The following ANXA13 variants were observed in gnomAD, a reference collection of about 807,000 sequenced individuals.
ANXA13 encodes the protein annexin A13, also known as annexin XIII.
ANXA13 carries 36 observed loss-of-function variants against 46.6 expected under a neutral mutation model. The ratio of observed to expected loss-of-function variants is 0.77; its 90% confidence interval spans 0.59 to 1.02. The LOEUF is 1.02. Among genes scored for constraint, ANXA13 ranks in the 50% least tolerant of loss-of-function variants. ANXA13 has a pLI of 0.00. For missense variants in ANXA13, 417 were observed against 396.5 expected (o/e 1.05, Z -0.44); for synonymous variants, 163 against 152.9 (o/e 1.07, Z -0.49).
intron 2 of ANXA13, chr8:123,711,563 T>G (rs1021751732): frequency 6.6e-6 from 1 of 152,394 alleles, no homozygotes; most frequent in Non-Finnish European, 1.5e-5. Context: ...GCTTCTCCAT[T>G]TTCAACCCTT....
At chr8:123,708,753 C>T (rs7817992) in intron 2 of ANXA13, among the ~76,000 whole-genome samples, 14,962 of 152,164 alleles carry the variant, frequency 0.098, 1,545 homozygotes, top group African/African-American at 0.27. Context: ...AGTCTGAAAT[C>T]CTGGTGTCGG....
At chr8:123,707,209 A>G (rs1046945011) in intron 2 of ANXA13, among the ~76,000 whole-genome samples, 10 of 152,184 alleles carry the variant, frequency 6.6e-5, no homozygotes, top group Admixed American at 2.6e-4. Context: ...TGAATGAATG[A>G]ATGGATGAAT....
chr8:123,722,097 G>T (rs1813885381), intron 1 of ANXA13, among the ~76,000 whole-genome samples: 1 of 152,088 alleles, frequency 6.6e-6, no homozygotes, highest in Admixed American at 6.5e-5. Context: ...TTGAGACCAG[G>T]AGTTCAAGAC....
intron 1 of ANXA13, among the ~76,000 whole-genome samples, chr8:123,714,798 G>C (rs1813731754): frequency 6.6e-6 from 1 of 152,206 alleles, no homozygotes; most frequent in Admixed American, 6.5e-5. Context: ...TACACCTGCT[G>C]TGTGCCAGGC....
chr8:123,701,400 G>A (rs199618907), intron 3 of ANXA13, among the ~76,000 whole-genome samples: 2 of 152,130 alleles, frequency 1.3e-5, no homozygotes, highest in Non-Finnish European at 2.9e-5. Flanking sequence ...AACCCGGGAG[G>A]CAGAGGTTAC....
chr8:123,715,713 T>C (rs1190046311), intron 1 of ANXA13, among the ~76,000 whole-genome samples: 1 of 152,188 alleles, frequency 6.6e-6, no homozygotes, highest in Non-Finnish European at 1.5e-5. Flanking sequence ...CTTTTTCTCA[T>C]TTGCACAAAG....
intron 10 of ANXA13, among the ~76,000 whole-genome samples, chr8:123,683,357 T>C (rs1813073792): frequency 6.6e-6 from 1 of 151,908 alleles, no homozygotes; most frequent in South Asian, 2.1e-4. Context: ...GCATTATTTG[T>C]TAAGAAGCCA....
intron 2 of ANXA13, among the ~76,000 whole-genome samples, chr8:123,707,993 C>A (rs536639408): frequency 5.9e-5 from 9 of 152,150 alleles, no homozygotes; most frequent in Non-Finnish European, 1.0e-4. Flanking sequence ...CACTGGATTT[C>A]CCCCAAGTTC....
Position 123,695,527 on chromosome 8 carries a change from T to C in ANXA13, c.446A>G (p.Lys149Arg). 3 of 1,614,162 alleles carry C rather than the reference T, an allele frequency of 1.9e-6. No individual in the cohort carries two copies. The highest frequency in any genetic ancestry group is 2.5e-6 in the Non-Finnish European group (3 of 1,180,010). ...CTGCAGCAGAGACACCAGGATTTTTTTTAGGTTTCCACTTGTATCACCTTT... is the reference window on the plus strand; with the variant it reads ...CTGCAGCAGAGACACCAGGATTTTTCTTAGGTTTCCACTTGTATCACCTTT... ...DVKGDTSGNL[K>R]KILVSLLQAN... The change falls in exon 6 of 11, where the codon AAA becomes AGA. Residue 149 changes from lysine to arginine, a missense_variant. Physicochemically the swap from Lys to Arg is conservative, Grantham distance 26 (BLOSUM62 2). Transcript: ENST00000419625.
chr8:123,696,827 C>G, intron 4 of ANXA13, among the ~76,000 whole-genome samples: 1 of 152,292 alleles, frequency 6.6e-6, no homozygotes, highest in East Asian at 1.9e-4. Flanking sequence ...GATAGAGAGG[C>G]CTTGCTTATT....
At chr8:123,686,509 C>A (rs1813143664) in intron 9 of ANXA13, among the ~76,000 whole-genome samples, 1 of 151,626 alleles carries the variant, frequency 6.6e-6, no homozygotes, top group South Asian at 2.1e-4. Flanking sequence ...CTCTTCACAG[C>A]AAATGGCAGG....
Position 123,698,373 on chromosome 8 carries a change from C to T in ANXA13, c.357+16G>A. Reference sequence around the variant, plus strand: ...TGGGTGTGTGATGCTCCCTTGCGGGCTCAGCTGGGACTGACCTTATTGGTC... The same window carrying T: ...TGGGTGTGTGATGCTCCCTTGCGGGTTCAGCTGGGACTGACCTTATTGGTC... On this transcript the variant is annotated intron_variant, in intron 4 of 10. Coordinates refer to ENST00000419625, the MANE Select transcript of ANXA13 (RefSeq NM_004306.4). 6.2e-7 allele frequency: 1 copy of T among 1,612,540 alleles called. No homozygotes were observed. Among genetic ancestry groups the T allele is most frequent in the South Asian group, 1.1e-5 (1 of 90,912 alleles).
At chr8:123,733,162 C>CA (rs923365049) in intron 1 of ANXA13, among the ~76,000 whole-genome samples, 4 of 150,874 alleles carry the variant, frequency 2.7e-5, no homozygotes, top group East Asian at 3.9e-4. Context: ...GACCCTGTCT[C>CA]AAAAAAAAGT....
intron 3 of ANXA13, among the ~76,000 whole-genome samples, chr8:123,700,055 G>A (rs1191869477): frequency 6.6e-6 from 1 of 152,184 alleles, no homozygotes; most frequent in African/African-American, 2.4e-5. Context: ...TCTTGGCCTG[G>A]GAGAAAAACC....
intron 2 of ANXA13, among the ~76,000 whole-genome samples, chr8:123,709,034 C>A (rs1246592749): frequency 2.6e-5 from 4 of 152,234 alleles, no homozygotes; most frequent in Admixed American, 1.3e-4. Flanking sequence ...CAGTCATGTT[C>A]ACGGGTTCTG....
chr8:123,734,822 T>A (rs900921615), intron 1 of ANXA13, among the ~76,000 whole-genome samples: 1 of 149,958 alleles, frequency 6.7e-6, no homozygotes, highest in South Asian at 2.1e-4. Flanking sequence ...GATTTAAATG[T>A]CTGCATTTGT....
intron 1 of ANXA13, among the ~76,000 whole-genome samples, chr8:123,720,727 C>A (rs1387046421): frequency 7.0e-6 from 1 of 143,772 alleles, no homozygotes; most frequent in Non-Finnish European, 1.5e-5. Context: ...TGACATCAAC[C>A]CATTAAACAA....
intron 6 of ANXA13, 147 bp downstream of exon 6, chr8:123,695,355 T>G: frequency 1.5e-6 from 1 of 647,474 alleles, no homozygotes. Flanking sequence ...AGAGCTGGGC[T>G]GATGGAGCAT....
chr8:123,691,668 T>G (rs1311876812), intron 8 of ANXA13, among the ~76,000 whole-genome samples: 1 of 152,234 alleles, frequency 6.6e-6, no homozygotes, highest in African/African-American at 2.4e-5. Flanking sequence ...AGCCTAAAGC[T>G]GACTTCTTAA....
Sources: gnomAD v4.1 joint callset for allele counts (sites outside exome capture counted in the v4.1 genomes callset) on GRCh38, gnomAD v4.1.1 for gene constraint, MANE v1.5 for transcripts, NCBI Gene and HGNC (gene_info 2026-07-23, HGNC 2026-07-21) for gene names.